Variants in DSCAM observed in about 807,000 individuals in gnomAD.
DSCAM encodes DS cell adhesion molecule.
Under a neutral mutation model 217.7 loss-of-function variants are expected in DSCAM, and 47 were observed. The ratio of observed to expected loss-of-function variants is 0.22; its 90% confidence interval spans 0.17 to 0.28. The LOEUF is 0.28. Ranked by LOEUF, DSCAM falls within the 10% of genes least tolerant of loss-of-function variation. The probability of loss-of-function intolerance (pLI) is 1.00; values close to 1 mark genes in which losing one functional copy is unlikely to be tolerated. For missense variants in DSCAM, 2,080 were observed against 2,618.3 expected (o/e 0.79, Z 4.49); for synonymous variants, 1,056 against 1,015.3 (o/e 1.04, Z -0.76).
intron 1 of DSCAM, among the ~76,000 whole-genome samples, chr21:40,755,128 A>G (rs112983217): frequency 8.5e-5 from 13 of 152,146 alleles, no homozygotes; most frequent in African/African-American, 3.1e-4. Flanking sequence ...ACATGGAGAG[A>G]TTTGGGGGAT....
At chr21:40,152,860 C>G (rs2090438798) in intron 16 of DSCAM, among the ~76,000 whole-genome samples, 1 of 152,202 alleles carries the variant, frequency 6.6e-6, no homozygotes, top group Admixed American at 6.5e-5. Context: ...TTCTGTTTCC[C>G]TCATGCCTCC....
intron 3 of DSCAM, among the ~76,000 whole-genome samples, chr21:40,401,705 A>G (rs867489751): frequency 6.6e-6 from 1 of 152,156 alleles, no homozygotes; most frequent in African/African-American, 2.4e-5. Flanking sequence ...GTTACAAAGG[A>G]TATAAGGAGA....
chr21:40,515,254 T>G (rs888111851), intron 3 of DSCAM, among the ~76,000 whole-genome samples: 3 of 152,180 alleles, frequency 2.0e-5, no homozygotes, highest in Non-Finnish European at 4.4e-5. Flanking sequence ...AGCTATAGAC[T>G]ACATTAACTT....
intron 10 of DSCAM, among the ~76,000 whole-genome samples, chr21:40,280,295 C>A (rs765836614): frequency 1.3e-5 from 2 of 151,614 alleles, no homozygotes; most frequent in Non-Finnish European, 2.9e-5. Flanking sequence ...AATCCTCCCC[C>A]CTCAGCCTCC....
At chr21:40,288,316 G>A (rs1202228963) in intron 10 of DSCAM, among the ~76,000 whole-genome samples, 5 of 152,154 alleles carry the variant, frequency 3.3e-5, no homozygotes, top group Non-Finnish European at 7.3e-5. Context: ...GGTATTGGCT[G>A]GGAAGACTCA....
chr21:40,237,585 G>A (rs144641897), intron 11 of DSCAM, among the ~76,000 whole-genome samples: 251 of 152,306 alleles, frequency 1.6e-3, no homozygotes, highest in African/African-American at 5.5e-3. Context: ...TGGTGTATAT[G>A]TGCCACATTT....
chr21:40,033,401 G>A (rs2146453835), intron 32 of DSCAM, among the ~76,000 whole-genome samples: 1 of 152,316 alleles, frequency 6.6e-6, no homozygotes, highest in South Asian at 2.1e-4. Context: ...CCTAGTCAAA[G>A]AAAGGGGTGA....
intron 3 of DSCAM, among the ~76,000 whole-genome samples, chr21:40,570,020 T>A (rs759643135): frequency 1.6e-4 from 24 of 152,078 alleles, no homozygotes; most frequent in Non-Finnish European, 3.2e-4. Flanking sequence ...ATCTCTGCAT[T>A]CCCCAAGTAC....
At chr21:40,174,816 G>C (rs996056022) in intron 15 of DSCAM, among the ~76,000 whole-genome samples, 3 of 152,154 alleles carry the variant, frequency 2.0e-5, no homozygotes, top group Non-Finnish European at 4.4e-5. Flanking sequence ...ACACTGAGCC[G>C]ACTCACATCC....
intron 1 of DSCAM, among the ~76,000 whole-genome samples, chr21:40,743,622 A>G (rs2146546926): frequency 6.6e-6 from 1 of 152,332 alleles, no homozygotes; most frequent in East Asian, 1.9e-4. Context: ...TTAAAAAATT[A>G]AAATTTGAGA....
intron 31 of DSCAM, among the ~76,000 whole-genome samples, chr21:40,043,702 A>C (rs1056582933): frequency 6.6e-6 from 1 of 152,212 alleles, no homozygotes; most frequent in Non-Finnish European, 1.5e-5. Context: ...CTGTGTCTTA[A>C]TCTTGGAGAT....
At chr21:40,311,439 C>T (rs2074136207) in intron 9 of DSCAM, among the ~76,000 whole-genome samples, 2 of 152,102 alleles carry the variant, frequency 1.3e-5, no homozygotes, top group African/African-American at 4.8e-5. Context: ...AAGACTGAAG[C>T]TTACAGTTTA....
At chr21:40,517,747 G>A (rs2076314889) in intron 3 of DSCAM, among the ~76,000 whole-genome samples, 1 of 152,106 alleles carries the variant, frequency 6.6e-6, no homozygotes, top group Non-Finnish European at 1.5e-5. Context: ...ATGTAGTTCT[G>A]GGGTGCTGCT....
At chr21:40,516,465 T>A (rs12626382) in intron 3 of DSCAM, among the ~76,000 whole-genome samples, 9,757 of 152,024 alleles carry the variant, frequency 0.064, 499 homozygotes, top group East Asian at 0.2. Flanking sequence ...AGGAACAGAG[T>A]TGACAGTTGG....
At chr21:40,310,425 C>T (rs2074124960) in intron 9 of DSCAM, among the ~76,000 whole-genome samples, 5 of 152,208 alleles carry the variant, frequency 3.3e-5, no homozygotes, top group South Asian at 2.1e-4. Flanking sequence ...ACATTTTCTT[C>T]CTCTAGGCTG....
chr21:40,599,602 C>T (rs2077047376), intron 3 of DSCAM, among the ~76,000 whole-genome samples: 1 of 147,058 alleles, frequency 6.8e-6, no homozygotes, highest in African/African-American at 2.7e-5. Context: ...CAATAAATAA[C>T]TAAGATCAGA....
chr21:40,239,340 A>AC (rs1379398070), intron 11 of DSCAM, among the ~76,000 whole-genome samples: 1 of 152,192 alleles, frequency 6.6e-6, no homozygotes, highest in Non-Finnish European at 1.5e-5. Context: ...ATAACCTATA[A>AC]CAACATTGCT....
intron 32 of DSCAM, among the ~76,000 whole-genome samples, chr21:40,033,604 G>GC (rs770884994): frequency 1.1e-3 from 171 of 151,588 alleles, no homozygotes; most frequent in Middle Eastern, 3.4e-3. Flanking sequence ...GGGGAGGGGG[G>GC]CCCCCCATTG....
At chr21:40,499,797 T>C (rs2076156969) in intron 3 of DSCAM, among the ~76,000 whole-genome samples, 2 of 152,192 alleles carry the variant, frequency 1.3e-5, no homozygotes, top group South Asian at 4.1e-4. Context: ...CTTTTTCTTT[T>C]GGAGACAGTG....
Sources: gnomAD v4.1 joint callset for allele counts (sites outside exome capture counted in the v4.1 genomes callset) on GRCh38, gnomAD v4.1.1 for gene constraint, MANE v1.5 for transcripts, NCBI Gene and HGNC (gene_info 2026-07-23, HGNC 2026-07-21) for gene names.